MYH14: variants seen among roughly 807,000 people sequenced by gnomAD.
MYH14 encodes the protein myosin-14.
MYH14 carries 123 observed loss-of-function variants against 255.5 expected under a neutral mutation model. That is an observed-to-expected ratio of 0.48 (90% confidence interval 0.42 to 0.56). The LOEUF (loss-of-function observed/expected upper bound fraction) is 0.56. Among genes scored for constraint, MYH14 ranks in the 20% least tolerant of loss-of-function variants. The pLI is 0.00. For missense variants in MYH14, 2,423 were observed against 2,802.3 expected (o/e 0.86, Z 3.06); for synonymous variants, 1,095 against 1,161.2 (o/e 0.94, Z 1.16).
chr19:50,227,244 A>G (rs1254432059), intron 8 of MYH14, among the ~76,000 whole-genome samples: 1 of 152,092 alleles, frequency 6.6e-6, no homozygotes, highest in East Asian at 1.9e-4. Context: ...GTGACCCATG[A>G]CAGTGAAATG....
intron 27 of MYH14, 53 bp downstream of exon 27, chr19:50,272,784 C>T: frequency 1.3e-6 from 2 of 1,525,024 alleles, no homozygotes; most frequent in South Asian, 1.2e-5. Context: ...CACGGCCAGC[C>T]AGCGTGGGGT....
chr19:50,309,595 C>A, intron 42 of MYH14, 45 bp from the exon 43 acceptor site: 4 of 1,394,082 alleles, frequency 2.9e-6, no homozygotes, highest in East Asian at 4.8e-5. Context: ...CCTCCCCTCC[C>A]CTCCCCTCAT....
At chr19:50,220,547 A>G (rs2032766233) in intron 3 of MYH14, among the ~76,000 whole-genome samples, 1 of 151,760 alleles carries the variant, frequency 6.6e-6, no homozygotes, top group Non-Finnish European at 1.5e-5. Flanking sequence ...ATAATATTGT[A>G]AACATATTAT....
intron 24 of MYH14, among the ~76,000 whole-genome samples, chr19:50,270,698 ATTTAT>A (rs1435819271): frequency 1.6e-4 from 8 of 49,006 alleles, no homozygotes; most frequent in African/African-American, 5.4e-4. Context: ...TTTATTATTT[ATTTAT>A]TTTTTTTTTG....
intron 10 of MYH14, among the ~76,000 whole-genome samples, chr19:50,239,104 C>T (rs951132235): frequency 6.6e-6 from 1 of 152,210 alleles, no homozygotes; most frequent in Non-Finnish European, 1.5e-5. Context: ...ACTGCAACCT[C>T]CGCCCCCCAG....
intron 21 of MYH14, 94 bp from the exon 22 acceptor site, chr19:50,263,218 C>G (rs2034952495): frequency 8.3e-6 from 7 of 844,050 alleles, no homozygotes; most frequent in African/African-American, 1.7e-5. Context: ...AACAAACAAA[C>G]AAAGAAAATA....
intron 10 of MYH14, among the ~76,000 whole-genome samples, chr19:50,233,729 C>T (rs1056077277): frequency 6.6e-6 from 1 of 151,976 alleles, no homozygotes; most frequent in Non-Finnish European, 1.5e-5. Context: ...GGCTCATAGT[C>T]GCATCACCCG....
At chr19:50,262,537 C>CA (rs57145637) in intron 21 of MYH14, among the ~76,000 whole-genome samples, 3,906 of 113,502 alleles carry the variant, frequency 0.034, 79 homozygotes, top group African/African-American at 0.06. Flanking sequence ...GACTCTGTAT[C>CA]AAAAAAAAAA....
At chr19:50,246,629 AAC>A (rs1491451517) in intron 11 of MYH14, among the ~76,000 whole-genome samples, 1 of 50,906 alleles carries the variant, frequency 2.0e-5, no homozygotes, top group African/African-American at 5.2e-5. Flanking sequence ...TCTCAAACAA[AAC>A]AAAACAAAAC....
chr19:50,212,863 C>CCA (rs2032272758), intron 2 of MYH14, among the ~76,000 whole-genome samples: 2 of 152,134 alleles, frequency 1.3e-5, no homozygotes, highest in African/African-American at 4.8e-5. Flanking sequence ...GGAAAAGAGG[C>CCA]CTCTACATGA....
In MYH14 at chr19:50,296,126, TTAAAAA is replaced by T. The variant is rs1360109283; in HGVS notation, c.5469+2440_5469+2445del. 1.5e-4 allele frequency among the ~76,000 whole-genome samples: 23 copies of T among 150,964 alleles called. No homozygotes were observed. The East Asian group carries it at 3.5e-3, about 23-fold the overall frequency. ...TTTGTCTCAAAAAAAAAAAAAAAGT[TTAAAAA>T]CAAAACTAAGCAAACCCCTGTAGTT... On this transcript the variant is annotated intron_variant, in intron 39 of 42. Transcript: ENST00000642316.
intron 27 of MYH14, among the ~76,000 whole-genome samples, chr19:50,273,730 C>T (rs1417463611): frequency 1.3e-5 from 2 of 151,930 alleles, no homozygotes; most frequent in Non-Finnish European, 2.9e-5. Flanking sequence ...CAACCTCTGC[C>T]TCCCAGGTTC....
Position 50,293,710 on chromosome 19 carries a change from AC to A in MYH14, c.5469+25del. The A allele has an allele frequency of 6.5e-7, 1 of 1,537,502 alleles. No individual in the cohort carries two copies. The highest frequency in any genetic ancestry group is 8.8e-7 in the Non-Finnish European group (1 of 1,141,036). On this transcript the variant is annotated intron_variant, in intron 39 of 42. Coordinates refer to ENST00000642316, the MANE Select transcript of MYH14 (RefSeq NM_001145809.2). This position sits in a 1 kb window ranked among gnomAD's most constrained non-coding sequence, Gnocchi z 4.1. ...CAGGTGAGCGTGATTGACCGCCCCCACCAGCCTCAGTCCCCATTGACCTGGG... is the reference window on the plus strand; with the variant it reads ...CAGGTGAGCGTGATTGACCGCCCCCACAGCCTCAGTCCCCATTGACCTGGG...
chr19:50,261,031 C>T (rs2034832986), intron 20 of MYH14, among the ~76,000 whole-genome samples: 1 of 112,176 alleles, frequency 8.9e-6, no homozygotes, highest in South Asian at 3.8e-4. Context: ...TCACCCCCCT[C>T]CCCGTCACCC....
At chr19:50,248,934 TTTCAGTC>T in intron 12 of MYH14, 46 bp from the exon 13 acceptor site, 1 of 1,604,720 alleles carries the variant, frequency 6.2e-7, no homozygotes, top group South Asian at 1.1e-5. Context: ...CCCCGACGTC[TTTCAGTC>T]TGCTGATGTG....
chr19:50,224,060 T>A, intron 5 of MYH14, 94 bp from the exon 6 acceptor site: 42 of 390,712 alleles, frequency 1.1e-4, no homozygotes, highest in East Asian at 2.2e-4. Flanking sequence ...CCACCCCCCA[T>A]GCCACCACCT....
At chr19:50,220,462 A>G (rs1392067249) in intron 3 of MYH14, among the ~76,000 whole-genome samples, 1 of 150,310 alleles carries the variant, frequency 6.7e-6, no homozygotes, top group Non-Finnish European at 1.5e-5. Context: ...ATACCTATTA[A>G]TATGCATATT....
chr19:50,285,212 G>A (rs1032474870), intron 33 of MYH14: 37 of 152,090 alleles, frequency 2.4e-4, no homozygotes, highest in African/African-American at 8.7e-4. Context: ...CTTATTTGAA[G>A]TTATTTTGCC....
chr19:50,281,607 G>C lies in MYH14; in HGVS notation c.4304G>C (p.Arg1435Pro). 1.3e-6 allele frequency: 2 copies of C among 1,589,180 alleles called. No individual in the cohort carries two copies. The highest frequency in any genetic ancestry group is 1.7e-6 in the Non-Finnish European group (2 of 1,167,326). The change falls in exon 33 of 43, where the codon CGG becomes CCG. Residue 1435 changes from arginine to proline, a missense_variant. Arg to Pro is a moderately radical substitution (Grantham distance 103). Around this residue, in one of 3 missense-constraint regions of MYH14, gnomAD observed 1,513 missense variants for 1,674.8 expected, o/e 0.90. Transcript: ENST00000642316. ...TCCTCCCCTCAGCTTTCCGAGTGGCGGCGGCGCCAGGAGGAGGAGGCAGGG... is the reference window on the plus strand; with the variant it reads ...TCCTCCCCTCAGCTTTCCGAGTGGCCGCGGCGCCAGGAGGAGGAGGCAGGG... ...QTAQAQLSEW[R>P]RRQEEEAGAL...
Sources: gnomAD v4.1 joint callset for allele counts (sites outside exome capture counted in the v4.1 genomes callset) on GRCh38, gnomAD v4.1.1 for gene constraint, gnomAD v4.1.1 regional missense constraint, Gnocchi (gnomAD v3.1) non-coding constraint, MANE v1.5 for transcripts, NCBI Gene and HGNC (gene_info 2026-07-23, HGNC 2026-07-21) for gene names.